CMTM3: variants seen among roughly 807,000 people sequenced by gnomAD.
CMTM3 encodes CKLF-like MARVEL transmembrane domain-containing protein 3.
Under a neutral mutation model 18.2 loss-of-function variants are expected in CMTM3, and 7 were observed. That is an observed-to-expected ratio of 0.38 (90% CI 0.22 to 0.72). The LOEUF (loss-of-function observed/expected upper bound fraction) is 0.72, where lower values mean the gene tolerates loss of function less well. Ranked by LOEUF, CMTM3 falls within the 30% of genes least tolerant of loss-of-function variation. CMTM3 has a pLI of 0.46. For missense variants in CMTM3, 227 were observed against 249.2 expected (o/e 0.91, Z 0.60); for synonymous variants, 109 against 111.2 (o/e 0.98, Z 0.12).
In CMTM3 at chr16:66,612,473, TG is replaced by T; in HGVS notation, c.521-133del. The T allele has an allele frequency of 1.2e-6, 1 of 825,564 alleles. No homozygotes were observed. Among genetic ancestry groups the T allele is most frequent in the Non-Finnish European group, 1.9e-6 (1 of 515,398 alleles). The allele number at this position is 825,564 out of a possible 1,614,324, so 51.1% of individuals were successfully genotyped here. ...GGCCTGCCCTGATGCCAGCGATCAC[TG>T]GGAACGGTAGAGTCAGCTGCAGGAG... On this transcript the variant is annotated intron_variant, in intron 4 of 4. Transcript: ENST00000567572. This position sits in a 1 kb window ranked among gnomAD's most constrained non-coding sequence, Gnocchi z 6.0.
chr16:66,606,203 C>CCTCACT (rs2015145120), intron 1 of CMTM3, among the ~76,000 whole-genome samples: 1 of 152,050 alleles, frequency 6.6e-6, no homozygotes, highest in African/African-American at 2.4e-5. Flanking sequence ...TCCCTAGTCC[C>CCTCACT]CTCACTCCCA....
At position 66,604,867 on chromosome 16, in the gene CMTM3, G is replaced by A. The variant is rs2015069959; in HGVS notation, c.62G>A (p.Gly21Asp). 7 of 1,406,964 alleles carry A rather than the reference G, an allele frequency of 5.0e-6. No homozygotes were observed. The highest frequency in any genetic ancestry group is 5.5e-6 in the Non-Finnish European group (6 of 1,084,534). 87.2% of individuals were successfully genotyped at this position (1,406,964 alleles called of 1,614,324 possible). A position where few individuals can be genotyped will look rare whatever the true frequency, so the allele number is the denominator to read the frequency against. Residue 21 changes from glycine (G) to aspartate (D), a missense_variant, in exon 1 of 5, where the codon GGC becomes GAC. Gly to Asp is a moderately conservative substitution (Grantham distance 94, BLOSUM62 -1). Coordinates refer to ENST00000567572, the MANE Select transcript of CMTM3 (RefSeq NM_181553.4). ...DPEPAGGSRP[G>D]PAVPGLRALL... ...GAGCCTGCCGGCGGCTCCCGTCCCG[G>A]CCCCGCGGTCCCCGGGCTCCGCGCC... is the stretch of plus-strand genomic sequence containing the variant.
rs2144748172 is a variant in CMTM3 at position 66,609,689 on chromosome 16, A to G, written c.399+159A>G. 4 of 1,523,844 alleles carry G rather than the reference A, an allele frequency of 2.6e-6. No individual in the cohort carries two copies. Among genetic ancestry groups the G allele is most frequent in the African/African-American group, 1.4e-5 (1 of 72,594 alleles). 94.4% of individuals were successfully genotyped at this position (1,523,844 alleles called of 1,614,324 possible). ...AGTCCTCTCATTAAAGACTGACTCT[A>G]CCCGGGGTTTTGAAAGGCTGTTTGT... On this transcript the variant is annotated intron_variant, in intron 3 of 4. Coordinates refer to ENST00000567572, the MANE Select transcript of CMTM3 (RefSeq NM_181553.4). This position sits in a 1 kb window ranked among gnomAD's most constrained non-coding sequence, Gnocchi z 4.4.
rs1255223288 is a variant in CMTM3 at position 66,604,903 on chromosome 16, C to T, written c.98C>T (p.Ala33Val). The T allele has an allele frequency of 4.1e-6, 6 of 1,460,166 alleles. No homozygotes were observed. The African/African-American group carries it at 7.4e-5, about 18-fold the overall frequency. 90.5% of individuals were successfully genotyped at this position (1,460,166 alleles called of 1,614,324 possible). ...AVPGLRALLP[A>V]RAFLCSLKGR... ...CCCGGGCTCCGCGCCCTGCTGCCGG[C>T]GCGGGCTTTCCTCTGCTCTCTCAAA... The change falls in exon 1 of 5, where the codon GCG becomes GTG. Residue 33 changes from alanine (A) to valine (V), a missense_variant. Physicochemically the swap from Ala to Val is moderately conservative, Grantham distance 64 (BLOSUM62 0). Transcript: ENST00000567572.
upstream of CMTM3, chr16:66,604,624 C>T: frequency 5.3e-6 from 2 of 375,876 alleles, no homozygotes; most frequent in Non-Finnish European, 8.0e-6. Context: ...CAGCCGGGGT[C>T]CGAGGGGGAG....
At position 66,605,143 on chromosome 16, in the gene CMTM3, C is replaced by G; in HGVS notation, c.147+191C>G. 1 of 498,060 alleles carries G rather than the reference C, an allele frequency of 2.0e-6. No individual in the cohort carries two copies. The allele number at this position is 498,060 out of a possible 1,614,324, so 30.9% of individuals were successfully genotyped here. Reference sequence around the variant, plus strand: ...GGTCCCCAAACTTTGGACGGCGGGGCGGGGCCCGAGCCCAGGCCATCCGCG... The same window carrying G: ...GGTCCCCAAACTTTGGACGGCGGGGGGGGGCCCGAGCCCAGGCCATCCGCG... On this transcript the variant is annotated intron_variant, in intron 1 of 4. Coordinates refer to ENST00000567572, the MANE Select transcript of CMTM3 (RefSeq NM_181553.4). This position sits in a 1 kb window ranked among gnomAD's most constrained non-coding sequence, Gnocchi z 4.6.
Position 66,610,554 on chromosome 16 carries a change from C to T in CMTM3, c.520+551C>T, listed in dbSNP as rs1047962135. Among the ~76,000 whole-genome samples, 11 of 152,084 alleles carry T rather than the reference C, an allele frequency of 7.2e-5. No homozygotes were observed. The highest frequency in any genetic ancestry group is 1.3e-4 in the Admixed American group (2 of 15,278). On this transcript the variant is annotated intron_variant, in intron 4 of 4. Transcript: ENST00000567572. The surrounding 1 kb of genome is among the most constrained non-coding windows in gnomAD (Gnocchi z 4.6). ...GGCCCACGCTGGGTGTCAGCTGGCC[C>T]GAGGCTCTGGAGGGGACACTAGAGC... is the stretch of plus-strand genomic sequence containing the variant.
rs1597209795 is a variant in CMTM3 at position 66,609,967 on chromosome 16, G to A, written c.484G>A (p.Asp162Asn). 1 of 1,614,156 alleles carries A rather than the reference G, an allele frequency of 6.2e-7. No individual in the cohort carries two copies. Among genetic ancestry groups the A allele is most frequent in the Non-Finnish European group, 8.5e-7 (1 of 1,180,034 alleles). Residue 162 changes from aspartate to asparagine, a missense_variant, in exon 4 of 5, where the codon GAC becomes AAC. By Grantham distance (23) the Asp-to-Asn change is conservative (BLOSUM62 1). Coordinates refer to ENST00000567572, the MANE Select transcript of CMTM3 (RefSeq NM_181553.4). This position sits in a 1 kb window ranked among gnomAD's most constrained non-coding sequence, Gnocchi z 4.4. ...CGTGGCCAAATTCCTCAAACAAGGG[G>A]ACTCTGCAGATGAGACCACAGCCCA... ...NDVAKFLKQGDSADETTAHKT... is the reference protein window; with the variant it reads ...NDVAKFLKQGNSADETTAHKT...
Position 66,609,000 on chromosome 16 carries a change from C to T in CMTM3, c.304-435C>T, listed in dbSNP as rs2015265681. ...TCTGCTGCCTCAGGAGGGCTGCACC[C>T]TCTGTGTCCCCATCTTAGGGACGGA... is the stretch of plus-strand genomic sequence containing the variant. On this transcript the variant is annotated intron_variant, in intron 2 of 4. Transcript: ENST00000567572. The surrounding 1 kb of genome is among the most constrained non-coding windows in gnomAD (Gnocchi z 5.1). Among the ~76,000 whole-genome samples the T allele has an allele frequency of 6.6e-6, 1 of 152,232 alleles. No individual in the cohort carries two copies. The highest frequency in any genetic ancestry group is 2.1e-4 in the South Asian group (1 of 4,832).
rs1339901421 is a variant in CMTM3 at position 66,610,893 on chromosome 16, CCTT to C, written c.520+893_520+895del. The stretch of plus-strand genomic sequence containing the variant: ...GGGATTTGTGAATCCCAGAAACCGT[CCTT>C]CTGCTGAAAATGAATGCCACTCATC... On this transcript the variant is annotated intron_variant, in intron 4 of 4. Transcript: ENST00000567572. This position sits in a 1 kb window ranked among gnomAD's most constrained non-coding sequence, Gnocchi z 4.6. The C allele has an allele frequency of 7.5e-6, 3 of 398,494 alleles. No individual in the cohort carries two copies. The highest frequency in any genetic ancestry group is 1.3e-5 in the Non-Finnish European group (3 of 226,086). The allele number at this position is 398,494 out of a possible 1,614,324, so 24.7% of individuals were successfully genotyped here.
Position 66,608,115 on chromosome 16 carries a change from G to C in CMTM3, c.148-194G>C, listed in dbSNP as rs1224431699. 6.6e-6 allele frequency among the ~76,000 whole-genome samples: 1 copy of C among 152,166 alleles called. No homozygotes were observed. The highest frequency in any genetic ancestry group is 2.4e-5 in the African/African-American group (1 of 41,426). On this transcript the variant is annotated intron_variant, in intron 1 of 4. Transcript: ENST00000567572. This position sits in a 1 kb window ranked among gnomAD's most constrained non-coding sequence, Gnocchi z 5.1. ...CCTGCCTGGGCCTCTCAAAGTGCTA[G>C]GATTACAGGTGTGAGCCACTGTGCT...
upstream of CMTM3, chr16:66,604,530 C>T: frequency 3.6e-6 from 1 of 275,930 alleles, no homozygotes. Flanking sequence ...AGGTCTCCAG[C>T]GGCCCGAACC....
At position 66,604,932 on chromosome 16, in the gene CMTM3, C is replaced by T. The variant is rs1202518622; in HGVS notation, c.127C>T (p.Arg43Cys). 5.3e-6 allele frequency: 8 copies of T among 1,500,716 alleles called. No homozygotes were observed. The highest frequency in any genetic ancestry group is 1.5e-5 in the African/African-American group (1 of 68,894). The allele number at this position is 1,500,716 out of a possible 1,614,324, so 93.0% of individuals were successfully genotyped here. Residue 43 changes from arginine to cysteine, a missense_variant, in exon 1 of 5, where the codon CGC (arginine) becomes TGC (cysteine). Arg to Cys is a radical substitution (Grantham distance 180, BLOSUM62 -3). Transcript: ENST00000567572. ...ARAFLCSLKGRLLLAESGLSF... is the reference protein window; with the variant it reads ...ARAFLCSLKGCLLLAESGLSF... ...GGCTTTCCTCTGCTCTCTCAAAGGC[C>T]GCCTCCTGCTGGCCGAGTCGGTGAG...
chr16:66,608,276 G>A lies in CMTM3; in HGVS notation c.148-33G>A. The A allele has an allele frequency of 6.2e-7, 1 of 1,612,546 alleles. No individual in the cohort carries two copies. Among genetic ancestry groups the A allele is most frequent in the Non-Finnish European group, 8.5e-7 (1 of 1,179,034 alleles). ...AGCACTGGACAAGGAACATGAAAAG[G>A]CTCTGACTTCACCTCAAACTCCTTC... On this transcript the variant is annotated intron_variant, in intron 1 of 4. Coordinates refer to ENST00000567572, the MANE Select transcript of CMTM3 (RefSeq NM_181553.4). This position sits in a 1 kb window ranked among gnomAD's most constrained non-coding sequence, Gnocchi z 5.1.
chr16:66,613,248 C>T lies in CMTM3; in HGVS notation c.*611C>T. The T allele has an allele frequency of 1.5e-6, 1 of 653,182 alleles. No individual in the cohort carries two copies. The highest frequency in any genetic ancestry group is 1.7e-5 in the South Asian group (1 of 59,994). 40.5% of individuals were successfully genotyped at this position (653,182 alleles called of 1,614,324 possible). ...GGCACCCATAACTAACACCTCCCAC[C>T]CTTGGAAACCATGTCTTCTGGGGGT... On this transcript the variant is annotated 3_prime_UTR_variant, in exon 5 of 5. Coordinates refer to ENST00000567572, the MANE Select transcript of CMTM3 (RefSeq NM_181553.4).
rs2015283967 is a variant in CMTM3 at position 66,609,402 on chromosome 16, G to A, written c.304-33G>A. ...CCTCCCCATGCTGTGCTCAGCTCCAGGGGCTCAGGGCAGCATGCCCCTCTC... is the reference window on the plus strand; with the variant it reads ...CCTCCCCATGCTGTGCTCAGCTCCAAGGGCTCAGGGCAGCATGCCCCTCTC... On this transcript the variant is annotated intron_variant, in intron 2 of 4. Transcript: ENST00000567572. The surrounding 1 kb of genome is among the most constrained non-coding windows in gnomAD (Gnocchi z 4.4). 2 of 1,592,070 alleles carry A rather than the reference G, an allele frequency of 1.3e-6. No homozygotes were observed.
rs1321615667 is a variant in CMTM3 at position 66,612,057 on chromosome 16, C to T, written c.521-552C>T. ...GGGGCTGGGCCTGAGGAAGGGGCAC[C>T]TGGGCTTCAGTCTTGGGGTGGAAAC... On this transcript the variant is annotated intron_variant, in intron 4 of 4. Coordinates refer to ENST00000567572, the MANE Select transcript of CMTM3 (RefSeq NM_181553.4). The surrounding 1 kb of genome is among the most constrained non-coding windows in gnomAD (Gnocchi z 6.0). 6.6e-6 allele frequency among the ~76,000 whole-genome samples: 1 copy of T among 152,150 alleles called. No homozygotes were observed. Among genetic ancestry groups the T allele is most frequent in the Non-Finnish European group, 1.5e-5 (1 of 68,018 alleles).
In CMTM3 at chr16:66,604,971, T is replaced by C; in HGVS notation, c.147+19T>C. The C allele has an allele frequency of 1.4e-6, 2 of 1,479,962 alleles. No individual in the cohort carries two copies. Among genetic ancestry groups the C allele is most frequent in the Non-Finnish European group, 1.8e-6 (2 of 1,123,816 alleles). The allele number at this position is 1,479,962 out of a possible 1,614,324, so 91.7% of individuals were successfully genotyped here. The stretch of plus-strand genomic sequence containing the variant: ...CGAGTCGGTGAGTGCGGCGGGACCC[T>C]CGGCCGCCCCGCTAGGACTGCGCGG... On this transcript the variant is annotated intron_variant, in intron 1 of 4. Coordinates refer to ENST00000567572, the MANE Select transcript of CMTM3 (RefSeq NM_181553.4).
intron 4 of CMTM3, among the ~76,000 whole-genome samples, chr16:66,611,744 G>A (rs1049853669): frequency 3.5e-4 from 54 of 152,124 alleles, no homozygotes; most frequent in African/African-American, 1.3e-3. Context: ...ACAGAGCTCC[G>A]AGACAGAACT....
Sources: gnomAD v4.1 joint callset for allele counts (sites outside exome capture counted in the v4.1 genomes callset) on GRCh38, gnomAD v4.1.1 for gene constraint, Gnocchi (gnomAD v3.1) non-coding constraint, MANE v1.5 for transcripts, NCBI Gene and HGNC (gene_info 2026-07-23, HGNC 2026-07-21) for gene names.